The following HSPG2 variants were observed in gnomAD, a reference collection of about 807,000 sequenced individuals.
The protein encoded by HSPG2 is basement membrane-specific heparan sulfate proteoglycan core protein.
Under a neutral mutation model 526.6 loss-of-function variants are expected in HSPG2, and 278 were observed. The observed-to-expected ratio is 0.53, with a 90% CI of 0.48 to 0.58. HSPG2 has a LOEUF of 0.58. Among genes scored for constraint, HSPG2 ranks in the 20% least tolerant of loss-of-function variants. The probability of loss-of-function intolerance (pLI) is 0.00; values close to 1 mark genes in which losing one functional copy is unlikely to be tolerated. For synonymous variants in HSPG2, 2,465 were observed against 2,555.4 expected, an observed-to-expected ratio of 0.96 and a Z score of 1.07; for missense variants, 5,354 against 6,099.5, an observed-to-expected ratio of 0.88 and a Z score of 4.07.
chr1:21,841,005 C>T (rs2098046143), intron 71 of HSPG2, 96 bp downstream of exon 71: 2 of 1,142,020 alleles, frequency 1.8e-6, no homozygotes, highest in Non-Finnish European at 2.6e-6. Flanking sequence ...ATCCACTCAT[C>T]ACCACCTGCC....
chr1:21,846,354 C>A, intron 63 of HSPG2, 94 bp downstream of exon 63: 2 of 1,605,690 alleles, frequency 1.2e-6, no homozygotes, highest in Non-Finnish European at 1.7e-6. Flanking sequence ...GGGGGTACTG[C>A]ACCCCACGGG....
rs1306735355 is a variant in HSPG2, at chr1:21,850,184, C to G, written c.7303G>C (p.Val2435Leu). Residue 2435 changes from valine (V) to leucine (L), a missense_variant, in exon 57 of 97, where the codon GTC becomes CTC. Physicochemically the swap from Val to Leu is conservative, Grantham distance 32. Coordinates refer to ENST00000374695, the MANE Select transcript of HSPG2 (RefSeq NM_005529.7). ...EPAGSVPALG[V>L]TPTVRIESSS... ...GACTCGATCCGGACCGTGGGGGTGACCCCAAGTGCTGGGGACAGAGGGCAA... is the reference window on the plus strand; with the variant it reads ...GACTCGATCCGGACCGTGGGGGTGAGCCCAAGTGCTGGGGACAGAGGGCAA... The G allele has an allele frequency of 6.2e-7, 1 of 1,613,352 alleles. No individual in the cohort carries two copies. Among genetic ancestry groups the G allele is most frequent in the South Asian group, 1.1e-5 (1 of 91,090 alleles).
At position 21,842,835 on chromosome 1, in the gene HSPG2, G is replaced by C; in HGVS notation, c.8845C>G (p.Pro2949Ala). 1 of 1,614,042 alleles carries C rather than the reference G, an allele frequency of 6.2e-7. No homozygotes were observed. Among genetic ancestry groups the C allele is most frequent in the Non-Finnish European group, 8.5e-7 (1 of 1,180,032 alleles). ...GTGACCTGGGCATGGGCCTGCCCGG[G>C]CACCACACAGTTCAGATCCAGAGTC... ...GQTLDLNCVV[P>A]GQAHAQVTWY... The change falls in exon 67 of 97, where the codon CCC becomes GCC. Residue 2949 changes from proline (P) to alanine (A), a missense_variant. Pro to Ala is a conservative substitution (Grantham distance 27). Coordinates refer to ENST00000374695, the MANE Select transcript of HSPG2 (RefSeq NM_005529.7).
chr1:21,885,707 G>A (rs1284776374), intron 9 of HSPG2, among the ~76,000 whole-genome samples: 1 of 151,692 alleles, frequency 6.6e-6, no homozygotes, highest in Non-Finnish European at 1.5e-5. Flanking sequence ...GCACATCACT[G>A]TCACAACCAC....
chr1:21,888,124 G>A lies in HSPG2; in HGVS notation c.575-58C>T. The A allele has an allele frequency of 1.9e-6, 3 of 1,607,126 alleles. No homozygotes were observed. The South Asian group carries it at 3.3e-5, about 18-fold the overall frequency. The stretch of plus-strand genomic sequence containing the variant: ...AGGCGGCAGGAGGCAGGTGCGGGAA[G>A]CTGTAGGTGCTGTGTGGCTGGAGTG... On this transcript the variant is annotated intron_variant, in intron 6 of 96. Transcript: ENST00000374695.
intron 13 of HSPG2, among the ~76,000 whole-genome samples, chr1:21,882,133 A>C (rs1641565063): frequency 6.6e-6 from 1 of 152,032 alleles, no homozygotes; most frequent in African/African-American, 2.4e-5. Flanking sequence ...CAGACTTCTC[A>C]GGGTCTTTCT....
chr1:21,872,990 G>T lies in HSPG2; in HGVS notation c.3888+7C>A. 1 of 1,610,542 alleles carries T rather than the reference G, an allele frequency of 6.2e-7. No individual in the cohort carries two copies. Among genetic ancestry groups the T allele is most frequent in the Non-Finnish European group, 8.5e-7 (1 of 1,178,706 alleles). On this transcript the variant is annotated splice_region_variant and intron_variant, in intron 31 of 96. Transcript: ENST00000374695. This position sits in a 1 kb window ranked among gnomAD's most constrained non-coding sequence, Gnocchi z 5.5. ...CAGGCCCCGCAGGGACAGGGATTCG[G>T]ACTGACCTTGCACTGGCACTGACCA...
intron 13 of HSPG2, among the ~76,000 whole-genome samples, chr1:21,882,857 C>G (rs1273568369): frequency 6.6e-6 from 1 of 152,164 alleles, no homozygotes; most frequent in African/African-American, 2.4e-5. Flanking sequence ...AGCTTCTCCC[C>G]CTCATCCTGA....
At chr1:21,935,096 G>A (rs1644454147) in intron 1 of HSPG2, among the ~76,000 whole-genome samples, 1 of 145,226 alleles carries the variant, frequency 6.9e-6, no homozygotes, top group African/African-American at 2.6e-5. Context: ...CAGTACAGAT[G>A]GGGTTTCACT....
rs527917900 is a variant in HSPG2, at chr1:21,838,947, G to A, written c.10028C>T (p.Ala3343Val). 36 of 1,612,456 alleles carry A rather than the reference G, an allele frequency of 2.2e-5. No homozygotes were observed. The highest frequency in any genetic ancestry group is 4.5e-5 in the East Asian group (2 of 44,838). ...SRVGSSLPGR[A>V]TARNELLHFE... ...GTGCAGCAGCTCGTTCCTGGCGGTC[G>A]CCCTCCCAGGAAGGCTGCTGCCCAC... The change falls in exon 74 of 97, where the codon GCG (alanine) becomes GTG (valine). Residue 3343 changes from alanine (A) to valine (V), a missense_variant. Ala to Val is a moderately conservative substitution (Grantham distance 64). Coordinates refer to ENST00000374695, the MANE Select transcript of HSPG2 (RefSeq NM_005529.7).
chr1:21,831,713 C>A lies in HSPG2; in HGVS notation c.11291G>T (p.Arg3764Leu). 1.2e-6 allele frequency: 2 copies of A among 1,605,836 alleles called. No individual in the cohort carries two copies. Among genetic ancestry groups the A allele is most frequent in the Non-Finnish European group, 1.7e-6 (2 of 1,175,072 alleles). ...LGHFHTVTLL[R>L]SLTQGSLIVG... Reference sequence around the variant, plus strand: ...AATCAGGGAGCCCTGGGTGAGGCTGCGCAGCAGGGTCACGGTGTGGAAATG... The same window carrying A: ...AATCAGGGAGCCCTGGGTGAGGCTGAGCAGCAGGGTCACGGTGTGGAAATG... The change falls in exon 82 of 97, where the codon CGC becomes CTC. Residue 3764 changes from arginine to leucine, a missense_variant. Physicochemically the swap from Arg to Leu is moderately radical, Grantham distance 102 (BLOSUM62 -2). Coordinates refer to ENST00000374695, the MANE Select transcript of HSPG2 (RefSeq NM_005529.7).
At chr1:21,862,583 C>CAAAA (rs1164705115) in intron 37 of HSPG2, among the ~76,000 whole-genome samples, 2 of 9,272 alleles carry the variant, frequency 2.2e-4, no homozygotes, top group Non-Finnish European at 4.5e-4. Context: ...GACTCCATCT[C>CAAAA]AAAAAAAAAA....
intron 1 of HSPG2, among the ~76,000 whole-genome samples, chr1:21,914,863 C>A (rs1031851756): frequency 6.6e-6 from 1 of 152,202 alleles, no homozygotes; most frequent in Non-Finnish European, 1.5e-5. Flanking sequence ...ACCTGAACTG[C>A]CCAGAGCAAC....
chr1:21,865,498 A>G lies in HSPG2; in HGVS notation c.4315-133T>C. The stretch of plus-strand genomic sequence containing the variant: ...TGCTCTCCCAAGCTCATGCGCCCAA[A>G]GGAGTCAGGCACATGCCCACTGCCC... On this transcript the variant is annotated intron_variant, in intron 34 of 96. Coordinates refer to ENST00000374695, the MANE Select transcript of HSPG2 (RefSeq NM_005529.7). This position sits in a 1 kb window ranked among gnomAD's most constrained non-coding sequence, Gnocchi z 5.4. 1 of 941,210 alleles carries G rather than the reference A, an allele frequency of 1.1e-6. No homozygotes were observed. The highest frequency in any genetic ancestry group is 1.7e-6 in the Non-Finnish European group (1 of 588,180). The allele number at this position is 941,210 out of a possible 1,614,324, so 58.3% of individuals were successfully genotyped here.
At chr1:21,889,140 A>G (rs1642166789) in intron 6 of HSPG2, among the ~76,000 whole-genome samples, 1 of 152,112 alleles carries the variant, frequency 6.6e-6, no homozygotes. Flanking sequence ...GTCTTTTCCT[A>G]ATTGGGCTAC....
rs1642937136 is a variant in HSPG2, at chr1:21,898,969, G to C, written c.64-2659C>G. The stretch of plus-strand genomic sequence containing the variant: ...CGGGGGTGGCCTTGGGACCAGACAG[G>C]AAATAGCAAAGTGAGATTCAACATG... On this transcript the variant is annotated intron_variant, in intron 1 of 96. Coordinates refer to ENST00000374695, the MANE Select transcript of HSPG2 (RefSeq NM_005529.7). The surrounding 1 kb of genome is among the most constrained non-coding windows in gnomAD (Gnocchi z 4.0). Among the ~76,000 whole-genome samples the C allele has an allele frequency of 6.6e-6, 1 of 152,216 alleles. No individual in the cohort carries two copies. The highest frequency in any genetic ancestry group is 1.5e-5 in the Non-Finnish European group (1 of 68,044).
At chr1:21,906,635 G>C (rs1318547499) in intron 1 of HSPG2, among the ~76,000 whole-genome samples, 3 of 151,850 alleles carry the variant, frequency 2.0e-5, no homozygotes, top group Non-Finnish European at 4.4e-5. Context: ...GAATAGGCGC[G>C]GGGGAGACAA....
chr1:21,880,693 G>C lies in HSPG2; in HGVS notation c.1961C>G (p.Pro654Arg). 6.3e-7 allele frequency: 1 copy of C among 1,599,882 alleles called. No homozygotes were observed. The highest frequency in any genetic ancestry group is 8.5e-7 in the Non-Finnish European group (1 of 1,173,710). ...GACCTGGCGCTGGTTCAGAGCACCA[G>C]GTTGGGTGGGTGTGTGGCCTCGGGA... is the stretch of plus-strand genomic sequence containing the variant. Reference protein sequence around the residue: ...LLSRGHTPTQPGALNQRQVQF... With the variant: ...LLSRGHTPTQRGALNQRQVQF... The change falls in exon 15 of 97, where the codon CCT becomes CGT. Residue 654 changes from proline (P) to arginine (R), a missense_variant. Coordinates refer to ENST00000374695, the MANE Select transcript of HSPG2 (RefSeq NM_005529.7).
chr1:21,848,999 C>T lies in HSPG2; in HGVS notation c.7479G>A (p.Val2493=). 2.5e-6 allele frequency: 4 copies of T among 1,614,054 alleles called. No individual in the cohort carries two copies. The highest frequency in any genetic ancestry group is 3.4e-6 in the Non-Finnish European group (4 of 1,180,014). Residue 2493 remains valine (V), a synonymous_variant, in exon 58 of 97, where the codon GTG becomes GTA. Transcript: ENST00000374695. This position sits in a 1 kb window ranked among gnomAD's most constrained non-coding sequence, Gnocchi z 4.9. ...CGTACTCCCCTGAATCAGCTGGGGTCACCTGGAGCAGGCGTAGCCTCGAGC... is the reference window on the plus strand; with the variant it reads ...CGTACTCCCCTGAATCAGCTGGGGTTACCTGGAGCAGGCGTAGCCTCGAGC... The part of the protein sequence containing the change: ...VHGSRLRLLQ[V]TPADSGEYVC...
Sources: gnomAD v4.1 joint callset for allele counts (sites outside exome capture counted in the v4.1 genomes callset) on GRCh38, gnomAD v4.1.1 for gene constraint, Gnocchi (gnomAD v3.1) non-coding constraint, MANE v1.5 for transcripts, NCBI Gene and HGNC (gene_info 2026-07-23, HGNC 2026-07-21) for gene names.